MROH2A: variants seen among roughly 807,000 people sequenced by gnomAD.
The protein encoded by MROH2A is maestro heat like repeat family member 2A.
A neutral mutation model predicts 200.4 loss-of-function variants in MROH2A; 174 were observed. The observed-to-expected ratio is 0.87, with a 90% CI of 0.77 to 0.98. The LOEUF (loss-of-function observed/expected upper bound fraction) is 0.98. Ranked by LOEUF, MROH2A falls within the 50% of genes least tolerant of loss-of-function variation. The pLI is 0.00. For synonymous variants in MROH2A, 829 were observed against 840.4 expected (o/e 0.99, Z 0.23); for missense variants, 2,045 against 2,139.6 (o/e 0.96, Z 0.87).
chr2:233,832,897 ATGC>A (rs1704880196), intron 41 of MROH2A, among the ~76,000 whole-genome samples: 1 of 152,162 alleles, frequency 6.6e-6, no homozygotes, highest in East Asian at 1.9e-4. Context: ...TTTTGGCCTG[ATGC>A]TGCTATCAGG....
intron 3 of MROH2A, among the ~76,000 whole-genome samples, chr2:233,781,786 A>T (rs1700968111): frequency 6.6e-6 from 1 of 152,194 alleles, no homozygotes; most frequent in Admixed American, 6.5e-5. Context: ...TCACACAAAA[A>T]ATCTTTGCAC....
intron 35 of MROH2A, 167 bp downstream of exon 35, chr2:233,823,831 GA>G: frequency 2.3e-6 from 2 of 883,860 alleles, no homozygotes; most frequent in Non-Finnish European, 3.4e-6. Flanking sequence ...TTCATCACAT[GA>G]GTAGTGCAGG....
rs754378127 is a variant in MROH2A, at chr2:233,793,792, G to A, written c.790G>A (p.Val264Met). 8.8e-6 allele frequency: 13 copies of A among 1,474,460 alleles called. No individual in the cohort carries two copies. Among genetic ancestry groups the A allele is most frequent in the Middle Eastern group, 1.7e-4 (1 of 5,734 alleles). 91.3% of individuals were successfully genotyped at this position (1,474,460 alleles called of 1,614,324 possible). A position where few individuals can be genotyped will look rare whatever the true frequency, so the allele number is the denominator to read the frequency against. ...GGTGTTCCCCATGTATCGCTACTTC[G>A]TGACAGTGTGGCTGAGGCACTACAA... ...LKVFPMYRYFVTVWLRHYNPE... is the reference protein window; with the variant it reads ...LKVFPMYRYFMTVWLRHYNPE... The change falls in exon 7 of 42, where the codon GTG becomes ATG. Residue 264 changes from valine to methionine, a missense_variant. Val to Met is a conservative substitution (Grantham distance 21). Transcript: ENST00000389758.
chr2:233,816,928 T>A, intron 27 of MROH2A, 43 bp downstream of exon 27: 1 of 1,218,616 alleles, frequency 8.2e-7, no homozygotes, highest in Non-Finnish European at 1.2e-6. Context: ...TGCTCTGACA[T>A]GCACAGAAAA....
In MROH2A at chr2:233,833,343, T is replaced by C. The variant is rs1164945915; in HGVS notation, c.*84T>C. The C allele has an allele frequency of 2.9e-6, 4 of 1,356,128 alleles. No homozygotes were observed. Among genetic ancestry groups the C allele is most frequent in the Non-Finnish European group, 2.9e-6 (3 of 1,023,568 alleles). The allele number at this position is 1,356,128 out of a possible 1,614,324, so 84.0% of individuals were successfully genotyped here. ...TTTAGTTTGTAAGAAGTTTAGTTTG[T>C]AGGAAAAACACTATTGTAAAATAAC... On this transcript the variant is annotated 3_prime_UTR_variant, in exon 42 of 42. Transcript: ENST00000389758.
chr2:233,782,466 T>G (rs1008000771), intron 3 of MROH2A, among the ~76,000 whole-genome samples: 2 of 152,252 alleles, frequency 1.3e-5, no homozygotes, highest in Non-Finnish European at 2.9e-5. Flanking sequence ...CTATTGTAAA[T>G]GAAATGGATT....
intron 11 of MROH2A, among the ~76,000 whole-genome samples, 194 bp downstream of exon 11, chr2:233,796,507 C>T (rs1702121765): frequency 6.6e-6 from 1 of 152,102 alleles, no homozygotes; most frequent in African/African-American, 2.4e-5. Flanking sequence ...CTTACCCTCC[C>T]CACACCCAAC....
In MROH2A at chr2:233,809,136, C is replaced by T; in HGVS notation, c.2306C>T (p.Pro769Leu). ...TCTTTGGCCTCGTAGAAGGACCATC[C>T]CTGGAGGCGGGAGACAGTGAAAAGT... ...WQISAWRKDH[P>L]WRRETVKSAL... is the part of the protein sequence containing the mutation. Residue 769 changes from proline to leucine, a missense_variant, in exon 22 of 42, where the codon CCC (proline) becomes CTC (leucine). By Grantham distance (98) the Pro-to-Leu change is moderately conservative. Around this residue, in one of 3 missense-constraint regions of MROH2A, gnomAD observed 1,201 missense variants for 1,311.3 expected, o/e 0.92. Transcript: ENST00000389758. 3 of 1,549,466 alleles carry T rather than the reference C, an allele frequency of 1.9e-6. No homozygotes were observed. The highest frequency in any genetic ancestry group is 2.6e-6 in the Non-Finnish European group (3 of 1,146,092).
At chr2:233,785,183 A>G (rs1175699675) in intron 3 of MROH2A, among the ~76,000 whole-genome samples, 1 of 151,942 alleles carries the variant, frequency 6.6e-6, no homozygotes, top group Non-Finnish European at 1.5e-5. Context: ...TTATTCAGCT[A>G]TGATGAGACC....
intron 21 of MROH2A, among the ~76,000 whole-genome samples, chr2:233,808,200 AG>A (rs1253777151): frequency 6.6e-6 from 1 of 152,036 alleles, no homozygotes; most frequent in Non-Finnish European, 1.5e-5. Context: ...CAGGATTTGA[AG>A]AAGCTGTTCA....
chr2:233,823,110 A>G lies in MROH2A; in HGVS notation c.4004+92A>G, dbSNP rs1053402066. Reference sequence around the variant, plus strand: ...CTCCTTGTGAGGACATGGTCCAGTCATGGCTGAAGGCCTTCTTTCTGGGGG... The same window carrying G: ...CTCCTTGTGAGGACATGGTCCAGTCGTGGCTGAAGGCCTTCTTTCTGGGGG... On this transcript the variant is annotated intron_variant, in intron 34 of 41. Coordinates refer to ENST00000389758, the MANE Select transcript of MROH2A (RefSeq NM_001394639.1). The G allele has an allele frequency of 2.8e-5, 38 of 1,372,152 alleles. No homozygotes were observed. In the African/African-American group the frequency reaches 5.2e-4, roughly 19 times the overall value. 85.0% of individuals were successfully genotyped at this position (1,372,152 alleles called of 1,614,324 possible).
intron 15 of MROH2A, among the ~76,000 whole-genome samples, chr2:233,803,021 T>TTG (rs1320407607): frequency 5.9e-5 from 9 of 152,176 alleles, no homozygotes; most frequent in Admixed American, 5.9e-4. Context: ...CCTTGTCCAT[T>TTG]TGTTTGTGCG....
intron 21 of MROH2A, among the ~76,000 whole-genome samples, chr2:233,808,569 T>TTC (rs1245504347): frequency 2.6e-5 from 4 of 152,206 alleles, no homozygotes; most frequent in Non-Finnish European, 4.4e-5. Context: ...CTTCCAGCTT[T>TTC]TCTGCAAAGA....
intron 3 of MROH2A, among the ~76,000 whole-genome samples, chr2:233,787,596 TTATATATTATATATATC>T (rs1701304468): frequency 3.7e-4 from 12 of 32,848 alleles, no homozygotes; most frequent in Admixed American, 2.1e-3. Flanking sequence ...CATATATATA[TTATATATTATATATATC>T]ATATATACAT....
Position 233,796,312 on chromosome 2 carries a change from TG to T in MROH2A, c.1252+1del. The T allele has an allele frequency of 1.5e-6, 1 of 672,088 alleles. No homozygotes were observed. Among genetic ancestry groups the T allele is most frequent in the Non-Finnish European group, 2.0e-6 (1 of 496,466 alleles). The allele number at this position is 672,088 out of a possible 1,614,324, so 41.6% of individuals were successfully genotyped here. On this transcript the variant is annotated frameshift_variant and splice_region_variant, in exon 11 of 42. Transcript: ENST00000389758. LOFTEE classifies it high-confidence loss of function. Reference protein sequence around the residue: ...NLIRAIVSADEPRMSIRAIYL... With the variant: ...NLIRAIVSADXPRMSIRAIYL... ...TGATTAGGGCTATAGTGAGCGCAGA[TG>T]GTGAGCAAGGCAGGGTGGGTGGGGT...
chr2:233,807,864 C>T lies in MROH2A; in HGVS notation c.2295+9C>T, dbSNP rs972684177. The T allele has an allele frequency of 1.9e-6, 3 of 1,550,870 alleles. No individual in the cohort carries two copies. In the African/African-American group the frequency reaches 4.1e-5, roughly 21 times the overall value. ...AGATCAGTGCTTGGCGGGTAAGCCA[C>T]CTTCCCTCCACAACTGGGTCTTGGG... On this transcript the variant is annotated intron_variant, in intron 21 of 41. Transcript: ENST00000389758. The surrounding 1 kb of genome is among the most constrained non-coding windows in gnomAD (Gnocchi z 4.3).
Position 233,796,004 on chromosome 2 carries a change from G to T in MROH2A, c.1097G>T (p.Ser366Ile). The T allele has an allele frequency of 1.3e-6, 2 of 1,550,638 alleles. No individual in the cohort carries two copies. Among genetic ancestry groups the T allele is most frequent in the South Asian group, 2.4e-5 (2 of 84,060 alleles). Reference protein sequence around the residue: ...NKAPAQHQYSSQNLMEMVHCF... With the variant: ...NKAPAQHQYSIQNLMEMVHCF... The stretch of plus-strand genomic sequence containing the variant: ...GCCCCGGCCCAGCATCAGTACAGCA[G>T]CCAGAATCTGATGGAGATGGTGCAC... Residue 366 changes from serine to isoleucine, a missense_variant, in exon 10 of 42, where the codon AGC (serine) becomes ATC (isoleucine). Ser to Ile is a moderately radical substitution (Grantham distance 142). Around this residue, in one of 3 missense-constraint regions of MROH2A, gnomAD observed 831 missense variants for 800.0 expected, o/e 1.04. Coordinates refer to ENST00000389758, the MANE Select transcript of MROH2A (RefSeq NM_001394639.1).
intron 35 of MROH2A, among the ~76,000 whole-genome samples, chr2:233,824,674 A>C (rs530254089): frequency 6.6e-6 from 1 of 152,240 alleles, no homozygotes; most frequent in Non-Finnish European, 1.5e-5. Context: ...CATCTGCCCA[A>C]CTGGGGAAAG....
At chr2:233,804,376 G>A in intron 17 of MROH2A, 119 bp from the exon 18 acceptor site, 1 of 1,319,010 alleles carries the variant, frequency 7.6e-7, no homozygotes, top group Non-Finnish European at 1.1e-6. Context: ...AACGTGTGAT[G>A]TGTTCATCCA....
Sources: gnomAD v4.1 joint callset for allele counts (sites outside exome capture counted in the v4.1 genomes callset) on GRCh38, gnomAD v4.1.1 for gene constraint, gnomAD v4.1.1 regional missense constraint, Gnocchi (gnomAD v3.1) non-coding constraint, MANE v1.5 for transcripts, NCBI Gene and HGNC (gene_info 2026-07-23, HGNC 2026-07-21) for gene names.